The following TRIP12 variants were observed in gnomAD, a reference collection of about 807,000 sequenced individuals.
TRIP12 encodes the protein E3 ubiquitin-protein ligase TRIP12.
Under a neutral mutation model 244.2 loss-of-function variants are expected in TRIP12, and 25 were observed. The observed-to-expected ratio is 0.10, with a 90% CI of 0.07 to 0.14. TRIP12 has a LOEUF of 0.14. Among genes scored for constraint, TRIP12 ranks in the 10% least tolerant of loss-of-function variants. The probability of loss-of-function intolerance (pLI) is 1.00; values close to 1 mark genes in which losing one functional copy is unlikely to be tolerated. For synonymous variants in TRIP12, 905 were observed against 873.1 expected (o/e 1.04, Z -0.64); for missense variants, 1,677 against 2,486.4 (o/e 0.67, Z 6.92).
intron 2 of TRIP12, among the ~76,000 whole-genome samples, chr2:229,868,307 T>C (rs1332898020): frequency 2.0e-5 from 3 of 152,252 alleles, no homozygotes; most frequent in African/African-American, 7.2e-5. Context: ...GCTCAGGTGA[T>C]CCTCCCACTT....
intron 8 of TRIP12, among the ~76,000 whole-genome samples, chr2:229,819,522 G>A (rs974053795): frequency 1.3e-5 from 2 of 152,106 alleles, no homozygotes; most frequent in African/African-American, 4.8e-5. Context: ...TCCAGACTGG[G>A]CCACAGACTG....
intron 38 of TRIP12, 145 bp downstream of exon 38, chr2:229,773,952 G>C: frequency 5.5e-6 from 4 of 722,152 alleles, no homozygotes; most frequent in Non-Finnish European, 2.3e-6. Context: ...AGAGAAGCTA[G>C]TGCCTTGTAA....
chr2:229,814,314 A>G lies in TRIP12; in HGVS notation c.1743T>C (p.Ile581=), dbSNP rs765456438. 2 of 1,614,036 alleles carry G rather than the reference A, an allele frequency of 1.2e-6. No homozygotes were observed. The highest frequency in any genetic ancestry group is 1.7e-6 in the Non-Finnish European group (2 of 1,179,928). Residue 581 remains isoleucine, a synonymous_variant, in exon 12 of 42, where the codon ATT becomes ATC. Transcript: ENST00000675903. The part of the protein sequence containing the change: ...IPVFLEKLQV[I]QCIDVAEQAL... Reference sequence around the variant, plus strand: ...CCTGCTCTGCCACATCAATACACTGAATAACTTGCAGCTGGGAACATATAT... The same window carrying G: ...CCTGCTCTGCCACATCAATACACTGGATAACTTGCAGCTGGGAACATATAT...
intron 6 of TRIP12, among the ~76,000 whole-genome samples, chr2:229,835,130 TTCA>T (rs1303907725): frequency 6.6e-6 from 1 of 152,200 alleles, no homozygotes; most frequent in Non-Finnish European, 1.5e-5. Flanking sequence ...CATAAATACT[TTCA>T]TGAGTCAGCA....
intron 39 of TRIP12, among the ~76,000 whole-genome samples, chr2:229,769,981 T>C (rs2033603042): frequency 6.6e-6 from 1 of 152,158 alleles, no homozygotes; most frequent in African/African-American, 2.4e-5. Context: ...TCTGGTCCTA[T>C]ATATTTAAAG....
chr2:229,888,790 G>A (rs571646835), intron 1 of TRIP12, among the ~76,000 whole-genome samples: 1 of 152,094 alleles, frequency 6.6e-6, no homozygotes, highest in Non-Finnish European at 1.5e-5. Flanking sequence ...GGGACAGAGC[G>A]AGACTTTGCC....
intron 21 of TRIP12, 131 bp downstream of exon 21, chr2:229,802,121 A>T: frequency 1.6e-6 from 1 of 625,772 alleles, no homozygotes; most frequent in Non-Finnish European, 2.4e-6. Flanking sequence ...CATTCTCATT[A>T]ACAAAATACA....
chr2:229,813,861 A>G lies in TRIP12; in HGVS notation c.1986+9T>C. 2 of 1,480,730 alleles carry G rather than the reference A, an allele frequency of 1.4e-6. No homozygotes were observed. Among genetic ancestry groups the G allele is most frequent in the South Asian group, 1.5e-5 (1 of 65,344 alleles). 91.7% of individuals were successfully genotyped at this position (1,480,730 alleles called of 1,614,324 possible). A position where few individuals can be genotyped will look rare whatever the true frequency, so the allele number is the denominator to read the frequency against. On this transcript the variant is annotated intron_variant, in intron 13 of 41. Coordinates refer to ENST00000675903, the MANE Select transcript of TRIP12 (RefSeq NM_001348323.3). ...ACTTTATGGCACATAAAATAGATGC[A>G]TATTTTACCTGATGTGTTAGCCTTT...
chr2:229,879,443 T>C (rs2064360179), intron 2 of TRIP12, among the ~76,000 whole-genome samples: 1 of 152,198 alleles, frequency 6.6e-6, no homozygotes, highest in Non-Finnish European at 1.5e-5. Context: ...CTACTTCATA[T>C]GTAACTACTC....
rs757907783 is a variant in TRIP12, at chr2:229,788,877, C to T, written c.4759G>A (p.Ala1587Thr). 2.1e-5 allele frequency: 34 copies of T among 1,613,592 alleles called. No homozygotes were observed. The Admixed American group carries it at 5.7e-4, about 27-fold the overall frequency. ...AAAGGATCTTGAAGTTGCCTATTTG[C>T]TTTTGCTGTTAACTTACTGTTAATA... ...EFINSKLTAK[A>T]NRQLQDPLVI... Residue 1587 changes from alanine to threonine, a missense_variant, in exon 32 of 42, where the codon GCA (alanine) becomes ACA (threonine). Physicochemically the swap from Ala to Thr is moderately conservative, Grantham distance 58. Coordinates refer to ENST00000675903, the MANE Select transcript of TRIP12 (RefSeq NM_001348323.3).
At chr2:229,922,518 C>G, upstream of TRIP12, 1 of 1,613,878 alleles carries the variant, frequency 6.2e-7, no homozygotes, top group Non-Finnish European at 8.5e-7. Flanking sequence ...CCCAAGATGG[C>G]GTCGTGGCTG....
At chr2:229,823,153 A>G (rs909201090) in intron 8 of TRIP12, among the ~76,000 whole-genome samples, 1 of 152,236 alleles carries the variant, frequency 6.6e-6, no homozygotes, top group African/African-American at 2.4e-5. Flanking sequence ...TGATGAGATA[A>G]GAGAAACAAT....
At position 229,764,893 on chromosome 2, in the gene TRIP12, T is replaced by C. The variant is rs1447198675; in HGVS notation, c.*2661A>G. ...CTAGTGAAAGTTCTGTCACTACAAATGCAGGGAACCAGAGACAAGCATGAG... is the reference window on the plus strand; with the variant it reads ...CTAGTGAAAGTTCTGTCACTACAAACGCAGGGAACCAGAGACAAGCATGAG... On this transcript the variant is annotated 3_prime_UTR_variant, in exon 42 of 42. Transcript: ENST00000675903. 2.0e-5 allele frequency: 3 copies of C among 152,214 alleles called. No individual in the cohort carries two copies. The highest frequency in any genetic ancestry group is 7.2e-5 in the African/African-American group (3 of 41,458). 9.4% of individuals were successfully genotyped at this position (152,214 alleles called of 1,614,324 possible). A position where few individuals can be genotyped will look rare whatever the true frequency, so the allele number is the denominator to read the frequency against.
In TRIP12 at chr2:229,792,881, A is replaced by G. The variant is rs929479505; in HGVS notation, c.4141+92T>C. ...TGCCATCTATTTTTTAACAGAAACA[A>G]CATTAAACAGAGAAATAATGTATGT... On this transcript the variant is annotated intron_variant, in intron 27 of 41. Coordinates refer to ENST00000675903, the MANE Select transcript of TRIP12 (RefSeq NM_001348323.3). 30 of 1,330,906 alleles carry G rather than the reference A, an allele frequency of 2.3e-5. No individual in the cohort carries two copies. In the Admixed American group the frequency reaches 7.2e-4, roughly 32 times the overall value. 82.4% of individuals were successfully genotyped at this position (1,330,906 alleles called of 1,614,324 possible).
chr2:229,818,188 T>C (rs1039941774), intron 9 of TRIP12, among the ~76,000 whole-genome samples, 176 bp downstream of exon 9: 2 of 152,212 alleles, frequency 1.3e-5, no homozygotes, highest in Non-Finnish European at 2.9e-5. Flanking sequence ...TGCTAACTCA[T>C]TAGCAATTGC....
intron 41 of TRIP12, among the ~76,000 whole-genome samples, chr2:229,768,066 T>TG (rs1293807935): frequency 6.6e-6 from 1 of 152,152 alleles, no homozygotes; most frequent in Non-Finnish European, 1.5e-5. Flanking sequence ...CAGACCAGCC[T>TG]GGGAAACATG....
chr2:229,864,711 T>C (rs1269035952), intron 2 of TRIP12, among the ~76,000 whole-genome samples: 2 of 152,214 alleles, frequency 1.3e-5, no homozygotes, highest in East Asian at 3.8e-4. Flanking sequence ...TATATTGACA[T>C]TATTTCTCTA....
chr2:229,785,289 T>C (rs1408329471), intron 34 of TRIP12, among the ~76,000 whole-genome samples: 2 of 152,106 alleles, frequency 1.3e-5, no homozygotes, highest in Non-Finnish European at 2.9e-5. Flanking sequence ...GAGGATGGGG[T>C]AGGGGATAGA....
At chr2:229,869,321 A>C (rs575119029) in intron 2 of TRIP12, among the ~76,000 whole-genome samples, 1 of 152,338 alleles carries the variant, frequency 6.6e-6, no homozygotes, top group Non-Finnish European at 1.5e-5. Flanking sequence ...CCATACTAGT[A>C]ATTGTTGAAC....
Sources: allele counts gnomAD v4.1 joint callset (sites outside exome capture counted in the v4.1 genomes callset), GRCh38; gene constraint gnomAD v4.1.1; transcripts MANE v1.5; gene names NCBI Gene and HGNC (gene_info 2026-07-23, HGNC 2026-07-21).